Variants in CTNNA2 observed in about 807,000 individuals in gnomAD.
CTNNA2 encodes the protein catenin alpha 2.
A neutral mutation model predicts 101.0 loss-of-function variants in CTNNA2; 42 were observed. That is an observed-to-expected ratio of 0.42 (90% CI 0.32 to 0.54). The LOEUF is 0.54. Among genes scored for constraint, CTNNA2 ranks in the 20% least tolerant of loss-of-function variants. The pLI is 0.14. For missense variants in CTNNA2, 871 were observed against 1,223.1 expected (o/e 0.71, Z 4.29); for synonymous variants, 450 against 456.4 (o/e 0.99, Z 0.18).
chr2:79,550,593 C>A (rs1196449201), intron 1 of CTNNA2, among the ~76,000 whole-genome samples: 2 of 152,148 alleles, frequency 1.3e-5, no homozygotes, highest in South Asian at 2.1e-4. Context: ...CCAAATGTTA[C>A]CCCTGTTGTA....
At chr2:80,258,537 T>A (rs1408650461) in intron 7 of CTNNA2, among the ~76,000 whole-genome samples, 2 of 151,876 alleles carry the variant, frequency 1.3e-5, no homozygotes, top group East Asian at 1.9e-4. Context: ...TGCACTGGAG[T>A]CGAGACATAT....
intron 7 of CTNNA2, among the ~76,000 whole-genome samples, chr2:80,296,019 C>T (rs1329050970): frequency 1.3e-5 from 2 of 152,088 alleles, no homozygotes; most frequent in African/African-American, 4.8e-5. Context: ...ACTCACCAGA[C>T]TGAGCACATT....
intron 9 of CTNNA2, among the ~76,000 whole-genome samples, chr2:80,434,834 C>A (rs1049354775): frequency 6.6e-6 from 1 of 152,024 alleles, no homozygotes; most frequent in East Asian, 1.9e-4. Flanking sequence ...TTAAGGCTCA[C>A]AGGTAGCAAG....
At chr2:80,605,886 A>C (rs1383318118) in intron 16 of CTNNA2, among the ~76,000 whole-genome samples, 1 of 151,918 alleles carries the variant, frequency 6.6e-6, no homozygotes, top group East Asian at 1.9e-4. Context: ...GTAGGTGTTG[A>C]GTGTTAACCC....
At chr2:80,169,292 C>G (rs1704897596) in intron 7 of CTNNA2, among the ~76,000 whole-genome samples, 2 of 152,108 alleles carry the variant, frequency 1.3e-5, no homozygotes, top group African/African-American at 4.8e-5. Context: ...AAATTCCTCA[C>G]CATGGAGCTG....
At chr2:80,368,853 G>A (rs1675185881) in intron 7 of CTNNA2, among the ~76,000 whole-genome samples, 1 of 130,650 alleles carries the variant, frequency 7.7e-6, no homozygotes, top group Non-Finnish European at 1.5e-5. Context: ...ATATATGTGT[G>A]TGTGTGTGTG....
At position 80,508,674 on chromosome 2, in the gene CTNNA2, CAAA is replaced by C. The variant is rs34023586; in HGVS notation, c.1291-36295_1291-36293del. 6.3e-5 allele frequency among the ~76,000 whole-genome samples: 7 copies of C among 110,650 alleles called. No homozygotes were observed. In the East Asian group the frequency reaches 8.0e-4, roughly 13 times the overall value. The allele number at this position is 110,650 out of a possible 152,430, so 72.6% of individuals were successfully genotyped here. A position where few individuals can be genotyped will look rare whatever the true frequency, so the allele number is the denominator to read the frequency against. ...CTTGAACTGTGCTATGGGATTTATG[CAAA>C]AAAAAAAAAAAACAAATTTGAGATT... On this transcript the variant is annotated intron_variant, in intron 9 of 18. Coordinates refer to ENST00000402739, the MANE Select transcript of CTNNA2 (RefSeq NM_001282597.3).
chr2:80,614,577 A>C (rs976941266), intron 17 of CTNNA2, among the ~76,000 whole-genome samples: 3 of 151,462 alleles, frequency 2.0e-5, no homozygotes, highest in Admixed American at 6.6e-5. Flanking sequence ...AAACCTATTT[A>C]AGAAGTATTA....
intron 7 of CTNNA2, among the ~76,000 whole-genome samples, chr2:80,011,579 G>A (rs948119941): frequency 6.6e-5 from 8 of 122,020 alleles, no homozygotes; most frequent in African/African-American, 1.5e-4. Flanking sequence ...CTAGGGAGAT[G>A]AGTGTCCAGT....
At chr2:80,079,910 A>G (rs945860459) in intron 7 of CTNNA2, among the ~76,000 whole-genome samples, 13 of 150,966 alleles carry the variant, frequency 8.6e-5, no homozygotes, top group Non-Finnish European at 1.8e-4. Context: ...AAAATAAAAT[A>G]AAATAGAGGC....
intron 7 of CTNNA2, among the ~76,000 whole-genome samples, chr2:80,141,093 G>A (rs1018208545): frequency 1.3e-5 from 2 of 151,930 alleles, no homozygotes; most frequent in Non-Finnish European, 2.9e-5. Context: ...GTTTTAGAAT[G>A]TAGAATACCA....
At chr2:80,101,796 T>G (rs1700564000) in intron 7 of CTNNA2, among the ~76,000 whole-genome samples, 1 of 152,160 alleles carries the variant, frequency 6.6e-6, no homozygotes, top group Admixed American at 6.5e-5. Flanking sequence ...CAATGGAATC[T>G]TCTTTGTTCT....
intron 4 of CTNNA2, among the ~76,000 whole-genome samples, chr2:79,398,662 AG>A: frequency 1.3e-5 from 2 of 152,170 alleles, no homozygotes; most frequent in East Asian, 3.9e-4. Flanking sequence ...AATTTTCTAA[AG>A]AAAAAGATAA....
At chr2:79,497,269 G>A (rs1671266526) in intron 4 of CTNNA2, among the ~76,000 whole-genome samples, 1 of 152,114 alleles carries the variant, frequency 6.6e-6, no homozygotes, top group Non-Finnish European at 1.5e-5. Context: ...GCACGGCCCT[G>A]GGTGTCAGTT....
intron 18 of CTNNA2, among the ~76,000 whole-genome samples, chr2:80,629,472 G>T (rs1672046114): frequency 6.6e-6 from 1 of 152,258 alleles, no homozygotes; most frequent in East Asian, 1.9e-4. Flanking sequence ...AAGGGATCAG[G>T]AATCTGCATT....
intron 4 of CTNNA2, among the ~76,000 whole-genome samples, chr2:79,478,663 G>GATA (rs1671077504): frequency 6.6e-6 from 1 of 152,152 alleles, no homozygotes; most frequent in South Asian, 2.1e-4. Flanking sequence ...GGTCTTAGGA[G>GATA]ATACCCTTTG....
chr2:79,657,803 AT>A (rs1376476463), intron 2 of CTNNA2, among the ~76,000 whole-genome samples: 2 of 151,824 alleles, frequency 1.3e-5, no homozygotes, highest in East Asian at 3.9e-4. Context: ...ACAAATAAAA[AT>A]ACTTTAGTAT....
Position 80,555,832 on chromosome 2 carries a change from C to T in CTNNA2, c.1680C>T (p.Asn560=). ...VIHIINAEME[N]YEAGVYTEKV... ...ACATCATCAATGCTGAGATGGAGAA[C>T]TATGAAGCTGGGGTTTATACTGAGA... The change falls in exon 12 of 19, where the codon AAC becomes AAT. Residue 560 remains asparagine (N), a synonymous_variant. Transcript: ENST00000402739. The T allele has an allele frequency of 6.3e-7, 1 of 1,594,160 alleles. No individual in the cohort carries two copies.
chr2:80,084,800 T>C (rs1699345796), intron 7 of CTNNA2, among the ~76,000 whole-genome samples: 1 of 152,052 alleles, frequency 6.6e-6, no homozygotes, highest in Non-Finnish European at 1.5e-5. Flanking sequence ...GAATTACTTA[T>C]ATTTTGCCTC....
Sources: gnomAD v4.1 joint callset for allele counts (sites outside exome capture counted in the v4.1 genomes callset) on GRCh38, gnomAD v4.1.1 for gene constraint, MANE v1.5 for transcripts, NCBI Gene and HGNC (gene_info 2026-07-23, HGNC 2026-07-21) for gene names.